Variants in IFI35 observed in about 807,000 individuals in gnomAD.
IFI35 encodes interferon induced protein 35, also known as interferon-induced 35 kDa protein.
In IFI35, 30 loss-of-function variants were observed where a neutral mutation model predicts 28.6. The observed-to-expected ratio is 1.05, with a 90% CI of 0.79 to 1.43. The LOEUF (loss-of-function observed/expected upper bound fraction) is 1.43, where lower values mean the gene tolerates loss of function less well. Ranked by LOEUF, IFI35 falls within the 40% of genes most tolerant of loss-of-function variation. The probability of loss-of-function intolerance (pLI) is 0.00; values close to 1 mark genes in which losing one functional copy is unlikely to be tolerated. For missense variants in IFI35, 372 were observed against 356.9 expected, an observed-to-expected ratio of 1.04 and a Z score of -0.34; for synonymous variants, 146 against 154.8, an observed-to-expected ratio of 0.94 and a Z score of 0.42.
intron 1 of IFI35, 70 bp from the exon 2 acceptor site, chr17:43,012,109 A>T (rs692651): frequency 6.1e-6 from 7 of 1,148,304 alleles, no homozygotes; most frequent in South Asian, 1.5e-5. Flanking sequence ...AATAGGCCCC[A>T]CTTCCCCTGG....
chr17:43,007,624 G>A (rs1171289963), intron 1 of IFI35, among the ~76,000 whole-genome samples: 3 of 150,788 alleles, frequency 2.0e-5, no homozygotes, highest in Non-Finnish European at 2.9e-5. Context: ...TTAGGAGTTC[G>A]AGACCAGCCT....
chr17:43,011,275 T>C (rs2050455476), intron 1 of IFI35, among the ~76,000 whole-genome samples: 1 of 152,116 alleles, frequency 6.6e-6, no homozygotes, highest in African/African-American at 2.4e-5. Flanking sequence ...TCCTAGCACT[T>C]TAGGAGGCCG....
In IFI35 at chr17:43,013,773, C is replaced by G. The variant is rs2050490630; in HGVS notation, c.563-3C>G. 6.2e-7 allele frequency: 1 copy of G among 1,613,078 alleles called. No individual in the cohort carries two copies. Among genetic ancestry groups the G allele is most frequent in the Non-Finnish European group, 8.5e-7 (1 of 1,179,424 alleles). ...AAGGCCCACCCCTCCTTGCTCCCCACAGTGGCTCAGCGTCTGTGCCAAATC... is the reference window on the plus strand; with the variant it reads ...AAGGCCCACCCCTCCTTGCTCCCCAGAGTGGCTCAGCGTCTGTGCCAAATC... On this transcript the variant is annotated splice_region_variant and splice_polypyrimidine_tract_variant and intron_variant, in intron 5 of 6. Coordinates refer to ENST00000415816, the MANE Select transcript of IFI35 (RefSeq NM_001330230.2).
rs765198280 is a variant in IFI35 at position 43,012,174 on chromosome 17, A to C, written c.22-5A>C. ...AAGTCTTGTTGTTTCCTTCTGCCCCAACAGGCCCTCCACGCCCTTCAGGAG... is the reference window on the plus strand; with the variant it reads ...AAGTCTTGTTGTTTCCTTCTGCCCCCACAGGCCCTCCACGCCCTTCAGGAG... On this transcript the variant is annotated splice_polypyrimidine_tract_variant and splice_region_variant and intron_variant, in intron 1 of 6. Transcript: ENST00000415816. 4.5e-6 allele frequency: 7 copies of C among 1,554,508 alleles called. No homozygotes were observed. The highest frequency in any genetic ancestry group is 1.4e-5 in the African/African-American group (1 of 73,350).
chr17:43,012,736 A>G, intron 2 of IFI35: 1 of 343,168 alleles, frequency 2.9e-6, no homozygotes. Context: ...TCCCTTTAAA[A>G]CAAAGAAACA....
chr17:43,009,705 A>ATCC (rs980863507), intron 1 of IFI35, among the ~76,000 whole-genome samples: 1 of 151,908 alleles, frequency 6.6e-6, no homozygotes, highest in African/African-American at 2.4e-5. Context: ...GTGAGCCGAG[A>ATCC]TCCTGCCACT....
At chr17:43,009,899 C>T (rs1018603838) in intron 1 of IFI35, among the ~76,000 whole-genome samples, 2 of 151,102 alleles carry the variant, frequency 1.3e-5, no homozygotes, top group African/African-American at 2.4e-5. Flanking sequence ...CGCCACTGCA[C>T]TCCAGCCTAG....
chr17:43,012,081 T>C (rs957581502), intron 1 of IFI35, 98 bp from the exon 2 acceptor site: 4 of 817,260 alleles, frequency 4.9e-6, no homozygotes, highest in Non-Finnish European at 5.7e-6. Flanking sequence ...GCATCAACTC[T>C]GCTTTTGGAG....
intron 1 of IFI35, among the ~76,000 whole-genome samples, chr17:43,008,387 T>C (rs1160677448): frequency 1.4e-5 from 2 of 143,824 alleles, no homozygotes; most frequent in Admixed American, 6.9e-5. Flanking sequence ...TCACTCTTGT[T>C]GCCCAGGCTG....
At position 43,014,362 on chromosome 17, in the gene IFI35, G is replaced by C. The variant is rs1416370209; in HGVS notation, c.*63G>C. On this transcript the variant is annotated 3_prime_UTR_variant, in exon 7 of 7. Transcript: ENST00000415816. ...GGTTCTCACACTGGCCTGGGCTTGG[G>C]TGCCCATATAGGAGGTCTGTATGTT... 1 of 1,268,002 alleles carries C rather than the reference G, an allele frequency of 7.9e-7. No homozygotes were observed. Among genetic ancestry groups the C allele is most frequent in the Non-Finnish European group, 1.1e-6 (1 of 924,224 alleles). 78.5% of individuals were successfully genotyped at this position (1,268,002 alleles called of 1,614,324 possible).
intron 1 of IFI35, among the ~76,000 whole-genome samples, 161 bp downstream of exon 1, chr17:43,007,129 G>C (rs1235891474): frequency 6.6e-6 from 1 of 152,216 alleles, no homozygotes; most frequent in Non-Finnish European, 1.5e-5. Flanking sequence ...GCCTCTGCAA[G>C]AGTTGGTTCC....
At chr17:43,008,251 G>A (rs1220982934) in intron 1 of IFI35, among the ~76,000 whole-genome samples, 1 of 150,294 alleles carries the variant, frequency 6.7e-6, no homozygotes, top group African/African-American at 2.5e-5. Flanking sequence ...AGCCGGGATG[G>A]TCTTGATCTT....
chr17:43,012,249 AG>A lies in IFI35; in HGVS notation c.94del (p.Glu32SerfsTer35). ...MRLWDLQQLR[K>X]ELGDSPKDKV... is the part of the protein sequence containing the mutation. Reference sequence around the variant, plus strand: ...CTGTGGGACCTGCAGCAGCTGAGAAAGGAGCTCGGGGACTCCCCCAAAGACA... The same window carrying A: ...CTGTGGGACCTGCAGCAGCTGAGAAAGAGCTCGGGGACTCCCCCAAAGACA... On this transcript the variant is annotated frameshift_variant, in exon 2 of 7. Transcript: ENST00000415816. LOFTEE classifies it high-confidence loss of function. 1 of 1,577,136 alleles carries A rather than the reference AG, an allele frequency of 6.3e-7. No individual in the cohort carries two copies.
intron 6 of IFI35, 24 bp downstream of exon 6, chr17:43,013,906 G>A (rs1272924530): frequency 1.3e-6 from 2 of 1,522,382 alleles, no homozygotes; most frequent in Non-Finnish European, 1.8e-6. Context: ...GTGAAGAACA[G>A]GGGCTGGGCT....
At chr17:43,008,896 C>CT (rs1401247107) in intron 1 of IFI35, among the ~76,000 whole-genome samples, 1 of 152,154 alleles carries the variant, frequency 6.6e-6, no homozygotes, top group Non-Finnish European at 1.5e-5. Flanking sequence ...CTCACATGAT[C>CT]TGCCTCCCTT....
chr17:43,013,948 C>G (rs2050494743), intron 6 of IFI35, 66 bp downstream of exon 6: 1 of 1,367,072 alleles, frequency 7.3e-7, no homozygotes, highest in Non-Finnish European at 1.0e-6. Context: ...GGAACTTGCC[C>G]AATGAAGGAT....
chr17:43,013,318 G>A lies in IFI35; in HGVS notation c.320G>A (p.Cys107Tyr), dbSNP rs755193476. The change falls in exon 4 of 7, where the codon TGC becomes TAC. Residue 107 changes from cysteine to tyrosine, a missense_variant. By Grantham distance (194) the Cys-to-Tyr change is radical. Transcript: ENST00000415816. ...QKEHTINMEECRLRVQVQPLE... is the reference protein window; with the variant it reads ...QKEHTINMEEYRLRVQVQPLE... ...GAGCACACGATCAACATGGAGGAGTGCCGGCTGCGGGTGCAGGTCCAGCCC... is the reference window on the plus strand; with the variant it reads ...GAGCACACGATCAACATGGAGGAGTACCGGCTGCGGGTGCAGGTCCAGCCC... 1.2e-6 allele frequency: 2 copies of A among 1,614,138 alleles called. No homozygotes were observed. The highest frequency in any genetic ancestry group is 1.7e-6 in the Non-Finnish European group (2 of 1,180,022).
chr17:43,007,734 G>A (rs2050420306), intron 1 of IFI35, among the ~76,000 whole-genome samples: 1 of 149,914 alleles, frequency 6.7e-6, no homozygotes, highest in Non-Finnish European at 1.5e-5. Flanking sequence ...ACTGAGGCGG[G>A]AGAATTGCTT....
In IFI35 at chr17:43,013,336, T is replaced by C; in HGVS notation, c.338T>C (p.Val113Ala). ...GAGGAGTGCCGGCTGCGGGTGCAGG[T>C]CCAGCCCTTGGAGCTGCCCATGGTC... ...NMEECRLRVQ[V>A]QPLELPMVTT... Residue 113 changes from valine to alanine, a missense_variant, in exon 4 of 7, where the codon GTC becomes GCC. Physicochemically the swap from Val to Ala is moderately conservative, Grantham distance 64. Transcript: ENST00000415816. The C allele has an allele frequency of 6.2e-7, 1 of 1,614,088 alleles. No individual in the cohort carries two copies. Among genetic ancestry groups the C allele is most frequent in the Non-Finnish European group, 8.5e-7 (1 of 1,180,018 alleles).
Sources: allele counts gnomAD v4.1 joint callset (sites outside exome capture counted in the v4.1 genomes callset), GRCh38; gene constraint gnomAD v4.1.1; transcripts MANE v1.5; gene names NCBI Gene and HGNC (gene_info 2026-07-23, HGNC 2026-07-21).